RAP1GAP2: variants seen among roughly 807,000 people sequenced by gnomAD.
The protein encoded by RAP1GAP2 is rap1 GTPase-activating protein 2.
RAP1GAP2 carries 27 observed loss-of-function variants against 95.0 expected under a neutral mutation model. The observed-to-expected ratio is 0.28, with a 90% CI of 0.21 to 0.39. The LOEUF (loss-of-function observed/expected upper bound fraction) is 0.39, where lower values mean the gene tolerates loss of function less well. Ranked by LOEUF, RAP1GAP2 falls within the 10% of genes least tolerant of loss-of-function variation. The probability of loss-of-function intolerance (pLI) is 1.00; values close to 1 mark genes in which losing one functional copy is unlikely to be tolerated. For synonymous variants in RAP1GAP2, 373 were observed against 380.9 expected, an observed-to-expected ratio of 0.98 and a Z score of 0.24; for missense variants, 771 against 970.0, an observed-to-expected ratio of 0.79 and a Z score of 2.72.
chr17:3,031,732 C>T (rs962956599), intron 23 of RAP1GAP2, among the ~76,000 whole-genome samples: 18 of 137,940 alleles, frequency 1.3e-4, no homozygotes, highest in East Asian at 5.2e-4. Flanking sequence ...GGGCTGGTTC[C>T]TGGGTCCCGA....
chr17:2,844,900 G>A (rs570142712), intron 2 of RAP1GAP2, among the ~76,000 whole-genome samples: 3 of 152,266 alleles, frequency 2.0e-5, no homozygotes, highest in South Asian at 4.1e-4. Flanking sequence ...TTAGGAGTCG[G>A]GTAAAAGGGT....
intron 3 of RAP1GAP2, among the ~76,000 whole-genome samples, chr17:2,942,847 A>G (rs1280454951): frequency 6.6e-6 from 1 of 152,062 alleles, no homozygotes; most frequent in Non-Finnish European, 1.5e-5. Context: ...GGCTCACTGC[A>G]ACCTCCGCCT....
chr17:2,816,615 A>G (rs2070041388), intron 2 of RAP1GAP2, among the ~76,000 whole-genome samples: 1 of 151,828 alleles, frequency 6.6e-6, no homozygotes, highest in South Asian at 2.1e-4. Flanking sequence ...CTGGGATTAC[A>G]TCAAAGTCTT....
rs2069133904 is a variant in RAP1GAP2, at chr17:2,797,660, G to T, written c.44+1089G>T. On this transcript the variant is annotated intron_variant, in intron 1 of 24. Transcript: ENST00000254695. This position sits in a 1 kb window ranked among gnomAD's most constrained non-coding sequence, Gnocchi z 5.6. ...CTTTGCCATCCATCCTCTGGCAGGG[G>T]GGGACTGTGGGCACTCCATGTTTGG... The T allele has an allele frequency of 2.0e-6, 2 of 981,022 alleles. No homozygotes were observed. The highest frequency in any genetic ancestry group is 2.4e-6 in the Non-Finnish European group (2 of 826,122). 60.8% of individuals were successfully genotyped at this position (981,022 alleles called of 1,614,324 possible).
chr17:2,776,675 C>G (rs976271786), upstream of RAP1GAP2, among the ~76,000 whole-genome samples: 1 of 150,212 alleles, frequency 6.7e-6, no homozygotes, highest in African/African-American at 2.4e-5. Context: ...TGGATCGGCG[C>G]GGGCTCCGGC....
At chr17:2,918,432 CAAAAAA>C (rs533808717) in intron 3 of RAP1GAP2, among the ~76,000 whole-genome samples, 2,741 of 65,400 alleles carry the variant, frequency 0.042, 95 homozygotes, top group African/African-American at 0.14. Context: ...GACTCCATCT[CAAAAAA>C]AAAAAAAAAA....
At chr17:2,837,414 G>GGGAGCTGACAC (rs2071181147) in intron 2 of RAP1GAP2, among the ~76,000 whole-genome samples, 3 of 151,926 alleles carry the variant, frequency 2.0e-5, no homozygotes, top group Admixed American at 2.0e-4. Flanking sequence ...GAGCATCAAG[G>GGGAGCTGACAC]TACTGTCAGC....
chr17:2,837,485 G>GGGCA (rs1313806188), intron 2 of RAP1GAP2, among the ~76,000 whole-genome samples: 1 of 152,036 alleles, frequency 6.6e-6, no homozygotes, highest in Non-Finnish European at 1.5e-5. Flanking sequence ...GTCTGGTGAT[G>GGGCA]GGCATCGGGA....
At chr17:2,970,455 G>C (rs1170088275) in intron 8 of RAP1GAP2, among the ~76,000 whole-genome samples, 1 of 152,056 alleles carries the variant, frequency 6.6e-6, no homozygotes, top group Non-Finnish European at 1.5e-5. Context: ...TATTTTGATA[G>C]ATAACGTTAA....
At chr17:2,756,070 A>G (rs1220991210) in intron 1 of RAP1GAP2, among the ~76,000 whole-genome samples, 1 of 152,066 alleles carries the variant, frequency 6.6e-6, no homozygotes, top group Non-Finnish European at 1.5e-5. Flanking sequence ...CCTGCACTTC[A>G]CCTTTCACGC....
Position 3,005,301 on chromosome 17 carries a change from C to T in RAP1GAP2, c.1201-68C>T, listed in dbSNP as rs994574704. ...AGAAGGTGAGTAGCTTTGTAAGGAGCGTGGCTCCCGTAGGGGCAGCGCTCG... is the reference window on the plus strand; with the variant it reads ...AGAAGGTGAGTAGCTTTGTAAGGAGTGTGGCTCCCGTAGGGGCAGCGCTCG... On this transcript the variant is annotated intron_variant, in intron 14 of 24. Coordinates refer to ENST00000254695, the MANE Select transcript of RAP1GAP2 (RefSeq NM_015085.5). This position sits in a 1 kb window ranked among gnomAD's most constrained non-coding sequence, Gnocchi z 5.2. 44 of 1,438,732 alleles carry T rather than the reference C, an allele frequency of 3.1e-5. No homozygotes were observed. In the Middle Eastern group the frequency reaches 5.2e-4, roughly 17 times the overall value. 89.1% of individuals were successfully genotyped at this position (1,438,732 alleles called of 1,614,324 possible).
intron 2 of RAP1GAP2, among the ~76,000 whole-genome samples, chr17:2,879,747 C>G (rs2073222806): frequency 6.6e-6 from 1 of 151,804 alleles, no homozygotes; most frequent in Admixed American, 6.6e-5. Context: ...AAAGAAAGTC[C>G]CTGCTTCCTG....
chr17:2,801,417 T>C (rs1337529397), intron 2 of RAP1GAP2, among the ~76,000 whole-genome samples: 1 of 150,254 alleles, frequency 6.7e-6, no homozygotes, highest in Non-Finnish European at 1.5e-5. Context: ...GGAGGTTGCA[T>C]TGAGCCGAGA....
chr17:2,932,843 AGAGC>A (rs1567793589), intron 3 of RAP1GAP2, among the ~76,000 whole-genome samples: 1 of 8,058 alleles, frequency 1.2e-4, no homozygotes. Context: ...AAAAAAAAAA[AGAGC>A]AGGGACCACG....
intron 1 of RAP1GAP2, among the ~76,000 whole-genome samples, chr17:2,798,891 G>A (rs1262481223): frequency 6.6e-6 from 1 of 152,156 alleles, no homozygotes; most frequent in Admixed American, 6.5e-5. Context: ...GGGCTGACCC[G>A]ACAGCGGTCA....
chr17:3,000,299 C>T (rs2151591423), intron 14 of RAP1GAP2, among the ~76,000 whole-genome samples: 1 of 152,390 alleles, frequency 6.6e-6, no homozygotes. Flanking sequence ...TGGGCATTCA[C>T]TTCAAACAGC....
intron 12 of RAP1GAP2, among the ~76,000 whole-genome samples, chr17:2,994,998 G>C (rs2045903913): frequency 6.6e-6 from 1 of 152,196 alleles, no homozygotes; most frequent in Non-Finnish European, 1.5e-5. Context: ...ATTTTTAGTA[G>C]AGACGGGGGT....
chr17:2,824,382 G>A (rs1424499100), intron 2 of RAP1GAP2, among the ~76,000 whole-genome samples: 3 of 151,126 alleles, frequency 2.0e-5, no homozygotes, highest in Non-Finnish European at 2.9e-5. Context: ...GGGAGGCGGA[G>A]GTTTCAGTGA....
At chr17:2,985,171 AT>A in intron 11 of RAP1GAP2, 105 bp downstream of exon 11, 3 of 1,540,520 alleles carry the variant, frequency 1.9e-6, no homozygotes, top group Non-Finnish European at 2.6e-6. Flanking sequence ...GTTCTGAAGC[AT>A]TTGGAATACA....
Sources: allele counts gnomAD v4.1 joint callset (sites outside exome capture counted in the v4.1 genomes callset), GRCh38; gene constraint gnomAD v4.1.1; non-coding constraint Gnocchi (gnomAD v3.1); transcripts MANE v1.5; gene names NCBI Gene and HGNC (gene_info 2026-07-23, HGNC 2026-07-21).